The following SPTBN4 variants were observed in gnomAD, a reference collection of about 807,000 sequenced individuals.
The protein encoded by SPTBN4 is spectrin beta chain, non-erythrocytic 4.
SPTBN4 carries 96 observed loss-of-function variants against 277.8 expected under a neutral mutation model. The ratio of observed to expected loss-of-function variants is 0.35; its 90% confidence interval spans 0.29 to 0.41. The LOEUF (loss-of-function observed/expected upper bound fraction) is 0.41. Among genes scored for constraint, SPTBN4 ranks in the 10% least tolerant of loss-of-function variants. The probability of loss-of-function intolerance (pLI) is 1.00; values close to 1 mark genes in which losing one functional copy is unlikely to be tolerated. For missense variants in SPTBN4, 3,006 were observed against 3,595.7 expected (o/e 0.84, Z 4.19); for synonymous variants, 1,481 against 1,580.3 (o/e 0.94, Z 1.49).
intron 3 of SPTBN4, among the ~76,000 whole-genome samples, chr19:40,489,318 G>A (rs893800402): frequency 3.3e-5 from 5 of 152,088 alleles, no homozygotes; most frequent in Non-Finnish European, 7.4e-5. Context: ...GCAGGGCGGA[G>A]CTTGATTGGG....
intron 20 of SPTBN4, 33 bp downstream of exon 20, chr19:40,534,376 T>C: frequency 6.2e-7 from 1 of 1,602,520 alleles, no homozygotes; most frequent in South Asian, 1.1e-5. Context: ...GAGGGCTCCC[T>C]ATGCCACATG....
intron 18 of SPTBN4, chr19:40,530,405 G>C: frequency 1.4e-6 from 1 of 718,580 alleles, no homozygotes; most frequent in Non-Finnish European, 1.7e-6. Flanking sequence ...CCGCAAAGAG[G>C]CGGGCAGGGA....
chr19:40,541,656 A>G (rs1312291465), intron 20 of SPTBN4, among the ~76,000 whole-genome samples: 1 of 151,954 alleles, frequency 6.6e-6, no homozygotes. Flanking sequence ...TGTCCCCCTC[A>G]GCCTCTCTCC....
In SPTBN4 at chr19:40,550,240, A is replaced by G; in HGVS notation, c.4587A>G (p.Ala1529=). ...QVAHDLDDEL[A]WVQERLPLAM... ...CCTGCTTCCTGTGTCCTCTCCAGGC[A>G]TGGGTTCAGGAGCGGCTGCCACTGG... Residue 1529 remains alanine (A), a splice_region_variant and synonymous_variant, in exon 22 of 36, where the codon GCA becomes GCG. Coordinates refer to ENST00000598249, the MANE Select transcript of SPTBN4 (RefSeq NM_020971.3). The G allele has an allele frequency of 1.2e-6, 2 of 1,613,686 alleles. No homozygotes were observed. Among genetic ancestry groups the G allele is most frequent in the South Asian group, 2.2e-5 (2 of 91,068 alleles).
At chr19:40,546,849 AACAC>A (rs1025282420) in intron 20 of SPTBN4, among the ~76,000 whole-genome samples, 2 of 152,166 alleles carry the variant, frequency 1.3e-5, no homozygotes, top group East Asian at 1.9e-4. Flanking sequence ...CAAAAAACAA[AACAC>A]ACACACACAA....
At position 40,554,390 on chromosome 19, in the gene SPTBN4, C is replaced by T; in HGVS notation, c.4918C>T (p.Gln1640Ter). 1.3e-6 allele frequency: 2 copies of T among 1,588,422 alleles called. No homozygotes were observed. Among genetic ancestry groups the T allele is most frequent in the Non-Finnish European group, 1.7e-6 (2 of 1,170,678 alleles). The change falls in exon 23 of 36, where the codon CAG (glutamine) becomes TAG (stop). Residue 1640 changes from glutamine to a stop codon, truncating the protein, a stop_gained. Transcript: ENST00000598249. LOFTEE classifies it high-confidence loss of function. The surrounding 1 kb of genome is among the most constrained non-coding windows in gnomAD (Gnocchi z 5.7). ...TGAGGTGGAGGCGTGGCTGGGCGAG[C>T]AGGAGCTGCTCATGATGAGTGAGGA... Reference protein sequence around the residue: ...VAEVEAWLGEQELLMMSEDKG... With the variant: ...VAEVEAWLGE
At chr19:40,498,789 C>T (rs1449416256) in intron 7 of SPTBN4, among the ~76,000 whole-genome samples, 2 of 151,882 alleles carry the variant, frequency 1.3e-5, no homozygotes, top group African/African-American at 2.4e-5. Flanking sequence ...GCAACCTCCA[C>T]CTCACAGGCT....
chr19:40,554,686 A>G lies in SPTBN4; in HGVS notation c.5084+40A>G, dbSNP rs752911458. 5.7e-6 allele frequency: 9 copies of G among 1,587,706 alleles called. No individual in the cohort carries two copies. The highest frequency in any genetic ancestry group is 4.6e-5 in the East Asian group (2 of 43,816). Reference sequence around the variant, plus strand: ...GGCCAGTTCACAGGAATGGTCCAGCAGGACCTGAAGCTTCGCTGTTGGGAG... The same window carrying G: ...GGCCAGTTCACAGGAATGGTCCAGCGGGACCTGAAGCTTCGCTGTTGGGAG... On this transcript the variant is annotated intron_variant, in intron 24 of 35. Coordinates refer to ENST00000598249, the MANE Select transcript of SPTBN4 (RefSeq NM_020971.3). The surrounding 1 kb of genome is among the most constrained non-coding windows in gnomAD (Gnocchi z 5.7).
chr19:40,480,421 A>AAAACAAAC (rs71173642), intron 2 of SPTBN4, among the ~76,000 whole-genome samples: 1 of 151,672 alleles, frequency 6.6e-6, no homozygotes, highest in African/African-American at 2.4e-5. Flanking sequence ...CCATCTCTAA[A>AAAACAAAC]AAACAAACAA....
chr19:40,571,995 T>G lies in SPTBN4; in HGVS notation c.7320-24T>G, dbSNP rs148230367. The G allele has an allele frequency of 5.3e-5, 81 of 1,526,738 alleles. No homozygotes were observed. The African/African-American group carries it at 7.3e-4, about 14-fold the overall frequency. The allele number at this position is 1,526,738 out of a possible 1,614,324, so 94.6% of individuals were successfully genotyped here. On this transcript the variant is annotated intron_variant, in intron 33 of 35. Transcript: ENST00000598249. ...TTAGGCAGAGTGCTGCGGCTCTGCC[T>G]TGAGCCCCATCTTGTCGCTCCAGGT...
intron 3 of SPTBN4, 104 bp downstream of exon 3, chr19:40,487,952 G>C (rs2080091655): frequency 7.5e-7 from 1 of 1,329,286 alleles, no homozygotes; most frequent in African/African-American, 1.5e-5. Context: ...CCTGGCTCAT[G>C]GGCGAGTGGA....
chr19:40,504,224 G>C lies in SPTBN4; in HGVS notation c.1665+92G>C. ...GAGTTGTCAGACAGCTGGAGATGGA[G>C]AGGGAAGGGCAGAGATAGAAGAAGA... On this transcript the variant is annotated intron_variant, in intron 12 of 35. Coordinates refer to ENST00000598249, the MANE Select transcript of SPTBN4 (RefSeq NM_020971.3). 4 of 1,347,614 alleles carry C rather than the reference G, an allele frequency of 3.0e-6. No homozygotes were observed. In the South Asian group the frequency reaches 4.1e-5, roughly 14 times the overall value. The allele number at this position is 1,347,614 out of a possible 1,614,324, so 83.5% of individuals were successfully genotyped here. A position where few individuals can be genotyped will look rare whatever the true frequency, so the allele number is the denominator to read the frequency against.
Position 40,515,457 on chromosome 19 carries a change from G to C in SPTBN4, c.2903+9G>C. ...GACCACCTCAACAGCAGGTAGGAGG[G>C]CCTGGGGCTGGGAGTCCCTCCCATC... is the stretch of plus-strand genomic sequence containing the variant. On this transcript the variant is annotated intron_variant, in intron 15 of 35. Coordinates refer to ENST00000598249, the MANE Select transcript of SPTBN4 (RefSeq NM_020971.3). The surrounding 1 kb of genome is among the most constrained non-coding windows in gnomAD (Gnocchi z 4.1). 1.3e-6 allele frequency: 2 copies of C among 1,547,016 alleles called. No homozygotes were observed. Among genetic ancestry groups the C allele is most frequent in the Non-Finnish European group, 1.7e-6 (2 of 1,145,332 alleles).
chr19:40,529,257 C>A, intron 18 of SPTBN4, 126 bp downstream of exon 18: 4 of 838,738 alleles, frequency 4.8e-6, no homozygotes, highest in Non-Finnish European at 5.6e-6. Flanking sequence ...CGCTCTAAGC[C>A]GCCAGGGGGC....
At chr19:40,525,968 TGTGGGAGGA>T (rs1003931186) in intron 17 of SPTBN4, among the ~76,000 whole-genome samples, 63 of 152,236 alleles carry the variant, frequency 4.1e-4, no homozygotes, top group Middle Eastern at 6.8e-3. Flanking sequence ...TTTCCCACCC[TGTGGGAGGA>T]GTGGGAGGAG....
At chr19:40,524,115 G>A (rs2080561689) in intron 17 of SPTBN4, among the ~76,000 whole-genome samples, 1 of 152,134 alleles carries the variant, frequency 6.6e-6, no homozygotes, top group Non-Finnish European at 1.5e-5. Flanking sequence ...TTGTGAAAAG[G>A]TAACCTGAGG....
At position 40,473,435 on chromosome 19, in the gene SPTBN4, G is replaced by A. The variant is rs564542095; in HGVS notation, c.169+645G>A. Among the ~76,000 whole-genome samples the A allele has an allele frequency of 1.2e-4, 17 of 139,066 alleles. No homozygotes were observed. In the East Asian group the frequency reaches 3.3e-3, roughly 27 times the overall value. The allele number at this position is 139,066 out of a possible 152,430, so 91.2% of individuals were successfully genotyped here. On this transcript the variant is annotated intron_variant, in intron 2 of 35. Transcript: ENST00000598249. The stretch of plus-strand genomic sequence containing the variant: ...TGCAGTGGCGCGATCTCGGCTCACC[G>A]CAACCTCCACCTCCCAGGTTCAAGC...
Position 40,565,512 on chromosome 19 carries a change from A to T in SPTBN4, c.6005A>T (p.Gln2002Leu). 6.2e-7 allele frequency: 1 copy of T among 1,614,166 alleles called. No homozygotes were observed. The highest frequency in any genetic ancestry group is 8.5e-7 in the Non-Finnish European group (1 of 1,180,014). ...CGGGTGCCTGAGCTGACCACCTGCC[A>T]GGAGCTGGGGCGATCTCTGCTGCTC... ...EARVPELTTC[Q>L]ELGRSLLLNK... Residue 2002 changes from glutamine to leucine, a missense_variant, in exon 28 of 36, where the codon CAG becomes CTG. Transcript: ENST00000598249.
intron 27 of SPTBN4, among the ~76,000 whole-genome samples, chr19:40,562,152 A>G (rs984043005): frequency 6.6e-5 from 10 of 152,158 alleles, no homozygotes; most frequent in African/African-American, 2.4e-4. Flanking sequence ...GAAACCACAC[A>G]TGGTGAGGAG....
Sources: gnomAD v4.1 joint callset for allele counts (sites outside exome capture counted in the v4.1 genomes callset) on GRCh38, gnomAD v4.1.1 for gene constraint, Gnocchi (gnomAD v3.1) non-coding constraint, MANE v1.5 for transcripts, NCBI Gene and HGNC (gene_info 2026-07-23, HGNC 2026-07-21) for gene names.